The following AOPEP variants were observed in gnomAD, a reference collection of about 807,000 sequenced individuals.
AOPEP encodes aminopeptidase O (putative).
In AOPEP, 77 loss-of-function variants were observed where a neutral mutation model predicts 98.1. That is an observed-to-expected ratio of 0.78 (90% CI 0.65 to 0.95). The LOEUF (loss-of-function observed/expected upper bound fraction) is 0.95, where lower values mean the gene tolerates loss of function less well. Among genes scored for constraint, AOPEP ranks in the 40% least tolerant of loss-of-function variants. The probability of loss-of-function intolerance (pLI) is 0.00; values close to 1 mark genes in which losing one functional copy is unlikely to be tolerated. For synonymous variants in AOPEP, 346 were observed against 365.3 expected (o/e 0.95, Z 0.60); for missense variants, 1,024 against 1,024.7 (o/e 1.00, Z 0.01).
At chr9:94,909,346 T>TA (rs3052031) in intron 5 of AOPEP, among the ~76,000 whole-genome samples, 3,250 of 82,038 alleles carry the variant, frequency 0.04, 142 homozygotes, top group Middle Eastern at 0.05. Context: ...TTTGGAGCCT[T>TA]AAAAAAAAAA....
At chr9:94,897,058 A>T (rs1275724809) in intron 5 of AOPEP, among the ~76,000 whole-genome samples, 1 of 152,086 alleles carries the variant, frequency 6.6e-6, no homozygotes, top group Non-Finnish European at 1.5e-5. Context: ...GGTCATGTAC[A>T]TGTAAATATA....
At chr9:94,771,922 TA>T (rs1274501829) in intron 2 of AOPEP, among the ~76,000 whole-genome samples, 1 of 152,166 alleles carries the variant, frequency 6.6e-6, no homozygotes, top group Non-Finnish European at 1.5e-5. Flanking sequence ...TTCCCGAGTT[TA>T]AATTACCTGT....
At chr9:95,052,834 G>A (rs2066498250) in intron 13 of AOPEP, among the ~76,000 whole-genome samples, 1 of 152,138 alleles carries the variant, frequency 6.6e-6, no homozygotes, top group Non-Finnish European at 1.5e-5. Context: ...CTAAAAACCT[G>A]AGCATGTGAC....
chr9:94,866,658 T>G (rs72748515), intron 5 of AOPEP, among the ~76,000 whole-genome samples: 6,801 of 152,268 alleles, frequency 0.045, 425 homozygotes, highest in African/African-American at 0.14. Context: ...TATAGAATTG[T>G]AGGATTTTTA....
At chr9:94,916,694 CAAAA>C (rs560271736) in intron 5 of AOPEP, among the ~76,000 whole-genome samples, 2 of 99,890 alleles carry the variant, frequency 2.0e-5, no homozygotes, top group East Asian at 2.9e-4. Flanking sequence ...GACTCCCTCT[CAAAA>C]AAAAAAAAAA....
At chr9:95,077,977 G>A (rs532995841) in intron 14 of AOPEP, among the ~76,000 whole-genome samples, 3 of 152,148 alleles carry the variant, frequency 2.0e-5, no homozygotes, top group East Asian at 1.9e-4. Context: ...GCATCCTGTC[G>A]CCGAAATATT....
chr9:95,092,815 A>T, the AOPEP span, among the ~76,000 whole-genome samples: 1 of 152,098 alleles, frequency 6.6e-6, no homozygotes, highest in Non-Finnish European at 1.5e-5. Context: ...TTTCCTGACG[A>T]CTGGATCGGA....
chr9:95,007,606 A>T (rs1464081419), intron 13 of AOPEP, among the ~76,000 whole-genome samples: 5 of 152,180 alleles, frequency 3.3e-5, no homozygotes, highest in African/African-American at 1.2e-4. Context: ...CTTAAAGCTG[A>T]GGAGGTTTGA....
chr9:95,082,900 G>C (rs1364530176), intron 16 of AOPEP, 181 bp downstream of exon 16: 4 of 634,584 alleles, frequency 6.3e-6, no homozygotes, highest in African/African-American at 1.9e-5. Flanking sequence ...GGGAGCCCCG[G>C]GTCCCTGGAG....
At chr9:94,978,758 G>C (rs976921642) in intron 10 of AOPEP, among the ~76,000 whole-genome samples, 42 of 152,170 alleles carry the variant, frequency 2.8e-4, no homozygotes, top group African/African-American at 9.9e-4. Flanking sequence ...GAGTACTCAA[G>C]TCAGCGGGGC....
At chr9:95,126,986 G>A in the AOPEP span, 1 of 242,322 alleles carries the variant, frequency 4.1e-6, no homozygotes, top group East Asian at 9.5e-5. Context: ...TCGAGGTCAG[G>A]CCCGTGCCTG....
At chr9:95,097,045 A>T in the AOPEP span, among the ~76,000 whole-genome samples, 3 of 152,288 alleles carry the variant, frequency 2.0e-5, no homozygotes, top group Non-Finnish European at 2.9e-5. Flanking sequence ...GGAGGCCAGG[A>T]TGCTGCCAAC....
At chr9:94,891,323 G>C in intron 5 of AOPEP, among the ~76,000 whole-genome samples, 1 of 152,124 alleles carries the variant, frequency 6.6e-6, no homozygotes, top group East Asian at 1.9e-4. Context: ...TGTTACGCTT[G>C]AAGTGAATTT....
At chr9:94,818,776 C>T (rs1030776691) in intron 5 of AOPEP, among the ~76,000 whole-genome samples, 19 of 152,134 alleles carry the variant, frequency 1.2e-4, no homozygotes, top group Admixed American at 5.2e-4. Context: ...GGGCGGATCA[C>T]GAGGTCAGGA....
chr9:94,746,920 G>C (rs1178133952), intron 1 of AOPEP, among the ~76,000 whole-genome samples: 1 of 151,940 alleles, frequency 6.6e-6, no homozygotes, highest in East Asian at 1.9e-4. Context: ...AGCCACAACT[G>C]ACAGTGATTT....
intron 4 of AOPEP, 58 bp from the exon 5 acceptor site, chr9:94,800,699 T>C: frequency 1.3e-6 from 2 of 1,594,420 alleles, no homozygotes; most frequent in Non-Finnish European, 1.7e-6. Flanking sequence ...CAAGATTGCC[T>C]CACCTCCACA....
intron 7 of AOPEP, chr9:94,933,444 A>T (rs767653892): frequency 2.0e-6 from 2 of 985,288 alleles, no homozygotes; most frequent in South Asian, 9.4e-5. Context: ...TGCTGAGGAA[A>T]ACGTTAAAAT....
chr9:94,939,862 A>G (rs1239510800), intron 7 of AOPEP, among the ~76,000 whole-genome samples: 3 of 152,176 alleles, frequency 2.0e-5, no homozygotes, highest in African/African-American at 7.2e-5. Flanking sequence ...TGGGGGTTCT[A>G]CATCCCTGGA....
intron 5 of AOPEP, among the ~76,000 whole-genome samples, chr9:94,828,061 C>T (rs1855033395): frequency 1.3e-5 from 2 of 152,106 alleles, no homozygotes; most frequent in South Asian, 4.2e-4. Context: ...GCGAGGGAAG[C>T]AGGGAGGAGG....
Sources: gnomAD v4.1 joint callset for allele counts (sites outside exome capture counted in the v4.1 genomes callset) on GRCh38, gnomAD v4.1.1 for gene constraint, MANE v1.5 for transcripts, NCBI Gene and HGNC (gene_info 2026-07-23, HGNC 2026-07-21) for gene names.